Variants in KCNH7 observed in about 807,000 individuals in gnomAD.
The protein encoded by KCNH7 is voltage-gated inwardly rectifying potassium channel KCNH7.
In KCNH7, 49 loss-of-function variants were observed where a neutral mutation model predicts 120.8. The ratio of observed to expected loss-of-function variants is 0.41; its 90% CI spans 0.32 to 0.51. The LOEUF is 0.51. KCNH7 is among the 20% of genes least tolerant of loss of function. The probability of loss-of-function intolerance (pLI) is 0.38; values close to 1 mark genes in which losing one functional copy is unlikely to be tolerated. For missense variants in KCNH7, 1,097 were observed against 1,446.6 expected, an observed-to-expected ratio of 0.76 and a Z score of 3.92; for synonymous variants, 547 against 516.1, an observed-to-expected ratio of 1.06 and a Z score of -0.81.
intron 2 of KCNH7, among the ~76,000 whole-genome samples, chr2:162,588,652 T>C (rs1368423460): frequency 6.6e-6 from 1 of 152,106 alleles, no homozygotes; most frequent in East Asian, 1.9e-4. Flanking sequence ...CATAGTGATG[T>C]TTTGATAAAT....
intron 7 of KCNH7, among the ~76,000 whole-genome samples, chr2:162,437,250 G>T (rs1263574408): frequency 2.0e-5 from 3 of 152,108 alleles, no homozygotes; most frequent in Non-Finnish European, 4.4e-5. Flanking sequence ...CTTTAAAGTT[G>T]AGAGGAACTT....
chr2:162,827,692 T>G (rs1685335800), intron 2 of KCNH7, among the ~76,000 whole-genome samples: 1 of 152,152 alleles, frequency 6.6e-6, no homozygotes, highest in African/African-American at 2.4e-5. Flanking sequence ...AGGTTGAGGT[T>G]TAAGAGGTGT....
At chr2:162,657,669 CAT>C (rs538094137) in intron 2 of KCNH7, among the ~76,000 whole-genome samples, 116 of 152,170 alleles carry the variant, frequency 7.6e-4, no homozygotes, top group African/African-American at 2.7e-3. Flanking sequence ...TCTGTGTGGA[CAT>C]ATGTTTTCAA....
intron 2 of KCNH7, among the ~76,000 whole-genome samples, chr2:162,603,922 A>G (rs1233652139): frequency 6.6e-6 from 1 of 152,136 alleles, no homozygotes; most frequent in East Asian, 1.9e-4. Flanking sequence ...GATGGTAGAC[A>G]AATACCTAAT....
chr2:162,555,333 G>A (rs548462170), intron 2 of KCNH7, among the ~76,000 whole-genome samples: 1 of 152,324 alleles, frequency 6.6e-6, no homozygotes, highest in African/African-American at 2.4e-5. Flanking sequence ...TTGAAGATAA[G>A]AGACAAGACA....
At chr2:162,402,213 G>A (rs571170278) in intron 9 of KCNH7, among the ~76,000 whole-genome samples, 3 of 150,770 alleles carry the variant, frequency 2.0e-5, no homozygotes, top group South Asian at 2.1e-4. Context: ...GGTCCTGGAG[G>A]CCCTTTCTAC....
intron 6 of KCNH7, among the ~76,000 whole-genome samples, chr2:162,469,095 G>C (rs376800481): frequency 2.0e-5 from 3 of 152,124 alleles, no homozygotes; most frequent in Non-Finnish European, 4.4e-5. Flanking sequence ...TCCTGCTTTA[G>C]TCTCCCAAAG....
rs564429556 is a variant in KCNH7 at position 162,559,863 on chromosome 2, G to C, written c.308-22783C>G. ...GTATGTTTGTCACAAATATTTAATA[G>C]ATGGAGTTCTGAATTATGTGAGCAC... On this transcript the variant is annotated intron_variant, in intron 2 of 15. Coordinates refer to ENST00000332142, the MANE Select transcript of KCNH7 (RefSeq NM_033272.4). 1.2e-4 allele frequency among the ~76,000 whole-genome samples: 19 copies of C among 152,310 alleles called. 1 individual carries two copies. Among genetic ancestry groups the C allele is most frequent in the African/African-American group, 4.6e-4 (19 of 41,570 alleles).
At chr2:162,742,037 G>A (rs1355734670) in intron 2 of KCNH7, among the ~76,000 whole-genome samples, 1 of 152,134 alleles carries the variant, frequency 6.6e-6, no homozygotes, top group Non-Finnish European at 1.5e-5. Flanking sequence ...AATAACAAAT[G>A]TCTTTAAGAG....
intron 2 of KCNH7, among the ~76,000 whole-genome samples, chr2:162,689,761 T>A (rs1686034868): frequency 6.6e-6 from 1 of 152,150 alleles, no homozygotes; most frequent in South Asian, 2.1e-4. Flanking sequence ...GTTCTAGGCA[T>A]TATGTTTGCT....
intron 9 of KCNH7, among the ~76,000 whole-genome samples, chr2:162,415,167 C>CA (rs535621837): frequency 2.8e-4 from 43 of 151,122 alleles, no homozygotes; most frequent in Non-Finnish European, 4.6e-4. Context: ...AAACAAAAAA[C>CA]AAAAAAACAG....
intron 13 of KCNH7, among the ~76,000 whole-genome samples, chr2:162,381,357 A>G (rs1686412252): frequency 6.6e-6 from 1 of 152,146 alleles, no homozygotes; most frequent in South Asian, 2.1e-4. Flanking sequence ...TTTTAGAAAT[A>G]GGAAACAACA....
chr2:162,626,114 A>G (rs1293919931), intron 2 of KCNH7, among the ~76,000 whole-genome samples: 5 of 152,198 alleles, frequency 3.3e-5, no homozygotes, highest in South Asian at 2.1e-4. Flanking sequence ...TGTTTAGCTC[A>G]ATTTTCAATA....
At chr2:162,457,518 T>A (rs1295530610) in intron 6 of KCNH7, among the ~76,000 whole-genome samples, 3 of 152,190 alleles carry the variant, frequency 2.0e-5, no homozygotes, top group Non-Finnish European at 2.9e-5. Context: ...AGTTAAGTGT[T>A]ATATAAAACC....
chr2:162,582,375 A>T (rs1032385402), intron 2 of KCNH7, among the ~76,000 whole-genome samples: 2 of 152,054 alleles, frequency 1.3e-5, no homozygotes, highest in East Asian at 3.9e-4. Flanking sequence ...CTAGCATTTA[A>T]CCCTTTAGTA....
At chr2:162,526,547 G>C (rs1372294292) in intron 3 of KCNH7, among the ~76,000 whole-genome samples, 1 of 151,938 alleles carries the variant, frequency 6.6e-6, no homozygotes, top group African/African-American at 2.4e-5. Context: ...TCTCAGGGAT[G>C]TTCCTTGCTG....
At chr2:162,674,678 G>A (rs1685475396) in intron 2 of KCNH7, among the ~76,000 whole-genome samples, 1 of 151,630 alleles carries the variant, frequency 6.6e-6, no homozygotes, top group Admixed American at 6.6e-5. Context: ...AGAAATTACA[G>A]AAACATTTCC....
At chr2:162,441,003 T>C (rs1042925030) in intron 7 of KCNH7, among the ~76,000 whole-genome samples, 3 of 152,230 alleles carry the variant, frequency 2.0e-5, no homozygotes, top group East Asian at 1.9e-4. Flanking sequence ...ATCAATCACA[T>C]ACAAACGAAC....
At chr2:162,763,461 A>G (rs902341580) in intron 2 of KCNH7, among the ~76,000 whole-genome samples, 4 of 152,126 alleles carry the variant, frequency 2.6e-5, no homozygotes, top group Admixed American at 1.3e-4. Context: ...ACTCACTGCA[A>G]GTTACACAGT....
Sources: gnomAD v4.1 joint callset for allele counts (sites outside exome capture counted in the v4.1 genomes callset) on GRCh38, gnomAD v4.1.1 for gene constraint, MANE v1.5 for transcripts, NCBI Gene and HGNC (gene_info 2026-07-23, HGNC 2026-07-21) for gene names.